The following ATXN7L3 variants were observed in gnomAD, a reference collection of about 807,000 sequenced individuals.
The protein encoded by ATXN7L3 is ataxin 7 like 3, also known as ataxin-7-like protein 3.
In ATXN7L3, 6 loss-of-function variants were observed where a neutral mutation model predicts 50.0. The observed-to-expected ratio is 0.12, with a 90% CI of 0.07 to 0.24. The LOEUF (loss-of-function observed/expected upper bound fraction) is 0.24, where lower values mean the gene tolerates loss of function less well. Among genes scored for constraint, ATXN7L3 ranks in the 10% least tolerant of loss-of-function variants. The probability of loss-of-function intolerance (pLI) is 1.00; values close to 1 mark genes in which losing one functional copy is unlikely to be tolerated. For synonymous variants in ATXN7L3, 198 were observed against 165.8 expected (o/e 1.19, Z -1.49); for missense variants, 322 against 451.3 (o/e 0.71, Z 2.60).
intron 1 of ATXN7L3, among the ~76,000 whole-genome samples, chr17:44,198,686 C>T (rs1259718478): frequency 6.6e-6 from 1 of 152,044 alleles, no homozygotes; most frequent in African/African-American, 2.4e-5. Flanking sequence ...GGGAGCAGAG[C>T]CCACAGGAGC....
At chr17:44,199,450 A>G (rs1248806121) in intron 1 of ATXN7L3, 46 bp downstream of exon 1, 1 of 21,272 alleles carries the variant, frequency 4.7e-5, no homozygotes, top group Non-Finnish European at 1.2e-4. Context: ...CCCGCCCCCC[A>G]CAGGCCCCTC....
intron 6 of ATXN7L3, 43 bp downstream of exon 6, chr17:44,196,353 G>A (rs1323603341): frequency 6.2e-7 from 1 of 1,612,366 alleles, no homozygotes; most frequent in Non-Finnish European, 8.5e-7. Context: ...GAGGGTATCT[G>A]TCCTTTACCC....
At chr17:44,196,498 G>T in intron 5 of ATXN7L3, 80 bp from the exon 6 acceptor site, 1 of 1,582,902 alleles carries the variant, frequency 6.3e-7, no homozygotes, top group Non-Finnish European at 8.7e-7. Context: ...CCATACAACA[G>T]GCTGGGCACG....
chr17:44,196,380 C>A lies in ATXN7L3; in HGVS notation c.477+16G>T, dbSNP rs758779601. The A allele has an allele frequency of 5.0e-6, 8 of 1,613,924 alleles. No individual in the cohort carries two copies. The highest frequency in any genetic ancestry group is 6.8e-6 in the Non-Finnish European group (8 of 1,180,000). The stretch of plus-strand genomic sequence containing the variant: ...CCTTTACCCATTATTTCCCCAATGC[C>A]TGGCCCGGCTCTCACCTTGTCTGAC... On this transcript the variant is annotated intron_variant, in intron 6 of 12. Coordinates refer to ENST00000587097, the MANE Select transcript of ATXN7L3 (RefSeq NM_001382309.1).
At chr17:44,196,343 G>T (rs1382705833) in intron 6 of ATXN7L3, 53 bp downstream of exon 6, 4 of 1,604,404 alleles carry the variant, frequency 2.5e-6, no homozygotes, top group African/African-American at 2.7e-5. Flanking sequence ...GCCCAAAGGG[G>T]AGGGTATCTG....
Position 44,194,806 on chromosome 17 carries a change from C to T in ATXN7L3, c.699G>A (p.Gln233=). The change falls in exon 11 of 13, where the codon CAG becomes CAA. Residue 233 remains glutamine (Q), a synonymous_variant. Transcript: ENST00000587097. The part of the protein sequence containing the change: ...SLRCPQHTDE[Q]RRTVRIYFLG... ...GAAAATAAATCCGTACGGTTCGCCT[C>T]TGCTCATCTGTGTGCTGTGGGCAGC... is the stretch of plus-strand genomic sequence containing the variant. 6.2e-7 allele frequency: 1 copy of T among 1,614,162 alleles called. No homozygotes were observed. Among genetic ancestry groups the T allele is most frequent in the Admixed American group, 1.7e-5 (1 of 60,014 alleles).
Position 44,195,079 on chromosome 17 carries a change from T to C in ATXN7L3, c.665+18A>G, listed in dbSNP as rs1452855150. 3.7e-6 allele frequency: 6 copies of C among 1,613,834 alleles called. No homozygotes were observed. The highest frequency in any genetic ancestry group is 5.1e-6 in the Non-Finnish European group (6 of 1,179,814). ...TGTGCAGGAAGCGCCTGGCCCCCTT[T>C]CTAGGTTCTGTGCTCACCTTGTGCA... On this transcript the variant is annotated intron_variant, in intron 10 of 12. Coordinates refer to ENST00000587097, the MANE Select transcript of ATXN7L3 (RefSeq NM_001382309.1).
rs1017578236 is a variant in ATXN7L3, at chr17:44,196,523, T to C, written c.455-105A>G. 3.4e-6 allele frequency: 5 copies of C among 1,456,576 alleles called. No homozygotes were observed. The African/African-American group carries it at 7.0e-5, about 20-fold the overall frequency. 90.2% of individuals were successfully genotyped at this position (1,456,576 alleles called of 1,614,324 possible). ...GGCTGGGCACGGTGGCTCATGCCTG[T>C]AATCCCAGCACTTTGGGAGGCCCAG... is the stretch of plus-strand genomic sequence containing the variant. On this transcript the variant is annotated intron_variant, in intron 5 of 12. Transcript: ENST00000587097.
At position 44,194,582 on chromosome 17, in the gene ATXN7L3, G is replaced by A. The variant is rs2055814935; in HGVS notation, c.830C>T (p.Ser277Phe). 5 of 1,613,860 alleles carry A rather than the reference G, an allele frequency of 3.1e-6. No individual in the cohort carries two copies. The highest frequency in any genetic ancestry group is 3.4e-6 in the Non-Finnish European group (4 of 1,180,000). The change falls in exon 12 of 13, where the codon TCC (serine) becomes TTC (phenylalanine). Residue 277 changes from serine to phenylalanine, a missense_variant. Physicochemically the swap from Ser to Phe is radical, Grantham distance 155. Around this residue, in one of 5 missense-constraint regions of ATXN7L3, gnomAD observed 122 missense variants for 130.8 expected, o/e 0.93. Coordinates refer to ENST00000587097, the MANE Select transcript of ATXN7L3 (RefSeq NM_001382309.1). ...TGAATCAGAGGGTGAGAGGTCAGAG[G>A]AGCCGTCCCACTGAAGCCGGCTGAT... ...ALISRLQWDG[S>F]SDLSPSDSGS...
chr17:44,196,203 G>C, intron 6 of ATXN7L3, 124 bp from the exon 7 acceptor site: 1 of 1,299,140 alleles, frequency 7.7e-7, no homozygotes, highest in Non-Finnish European at 1.1e-6. Context: ...TCCCCAGTAG[G>C]AGGCCTGTCT....
intron 1 of ATXN7L3, chr17:44,199,136 A>T (rs953936444): frequency 1.3e-5 from 2 of 151,336 alleles, no homozygotes; most frequent in African/African-American, 4.9e-5. Flanking sequence ...AGAGAGTGGG[A>T]CGCGTCCCAG....
chr17:44,197,060 G>C lies in ATXN7L3; in HGVS notation c.357-34C>G, dbSNP rs369026765. The C allele has an allele frequency of 7.2e-5, 114 of 1,578,388 alleles. 1 individual carries two copies. In the African/African-American group the frequency reaches 1.4e-3, roughly 20 times the overall value. On this transcript the variant is annotated intron_variant, in intron 4 of 12. Coordinates refer to ENST00000587097, the MANE Select transcript of ATXN7L3 (RefSeq NM_001382309.1). ...GGGAGGGAAGAGAAAGGGGCCAAGGGGAAGGAAGAGAAAGGGGTCAAGGTG... is the reference window on the plus strand; with the variant it reads ...GGGAGGGAAGAGAAAGGGGCCAAGGCGAAGGAAGAGAAAGGGGTCAAGGTG...
intron 2 of ATXN7L3, 50 bp downstream of exon 2, chr17:44,197,970 G>A (rs375280009): frequency 1.4e-4 from 225 of 1,590,692 alleles, no homozygotes; most frequent in South Asian, 6.6e-5. Context: ...ATACAGCGAC[G>A]TAGAGACATC....
rs765831830 is a variant in ATXN7L3 at position 44,197,213 on chromosome 17, C to T, written c.356+15G>A. The T allele has an allele frequency of 6.3e-7, 1 of 1,584,232 alleles. No individual in the cohort carries two copies. The highest frequency in any genetic ancestry group is 1.7e-5 in the Admixed American group (1 of 58,522). On this transcript the variant is annotated intron_variant, in intron 4 of 12. Coordinates refer to ENST00000587097, the MANE Select transcript of ATXN7L3 (RefSeq NM_001382309.1). The stretch of plus-strand genomic sequence containing the variant: ...GGCACAGGCTGCAGAGAACGGGCAG[C>T]TCTGGTTCCCTCACCGGCGGTTGGC...
At chr17:44,198,447 A>C (rs562726958) in intron 1 of ATXN7L3, 1 of 214,344 alleles carries the variant, frequency 4.7e-6, no homozygotes, top group Non-Finnish European at 9.2e-6. Flanking sequence ...CAGGGGGAGG[A>C]GAAGGAACTC....
rs1288531758 is a variant in ATXN7L3, at chr17:44,196,867, A to G, written c.454+62T>C. On this transcript the variant is annotated intron_variant, in intron 5 of 12. Coordinates refer to ENST00000587097, the MANE Select transcript of ATXN7L3 (RefSeq NM_001382309.1). ...AGGCAACAATTTGTGACCACTGTATACCCAATTCCTGCTTCCCACCTCATC... is the reference window on the plus strand; with the variant it reads ...AGGCAACAATTTGTGACCACTGTATGCCCAATTCCTGCTTCCCACCTCATC... 3 of 1,183,424 alleles carry G rather than the reference A, an allele frequency of 2.5e-6. No individual in the cohort carries two copies. The African/African-American group carries it at 4.5e-5, about 18-fold the overall frequency. 73.3% of individuals were successfully genotyped at this position (1,183,424 alleles called of 1,614,324 possible). A position where few individuals can be genotyped will look rare whatever the true frequency, so the allele number is the denominator to read the frequency against.
At position 44,194,868 on chromosome 17, in the gene ATXN7L3, C is replaced by G. The variant is rs759005197; in HGVS notation, c.666-29G>C. ...GTGGTGAGGCAAGGCAGGGAGGGTT[C>G]TGAGGAACTCAGGTAAAGCCCCTCC... On this transcript the variant is annotated intron_variant, in intron 10 of 12. Coordinates refer to ENST00000587097, the MANE Select transcript of ATXN7L3 (RefSeq NM_001382309.1). The G allele has an allele frequency of 5.0e-6, 8 of 1,612,232 alleles. No homozygotes were observed. In the African/African-American group the frequency reaches 1.1e-4, roughly 22 times the overall value.
chr17:44,196,850 A>G (rs887155256), intron 5 of ATXN7L3, 79 bp downstream of exon 5: 4 of 971,596 alleles, frequency 4.1e-6, no homozygotes, highest in South Asian at 1.4e-5. Flanking sequence ...CAAGGCAACA[A>G]TTTGTGACCA....
At chr17:44,195,282 G>T in intron 9 of ATXN7L3, 137 bp downstream of exon 9, 1 of 1,339,580 alleles carries the variant, frequency 7.5e-7, no homozygotes, top group South Asian at 1.2e-5. Flanking sequence ...GACACTATGG[G>T]CCGGGAAACC....
Sources: gnomAD v4.1 joint callset for allele counts (sites outside exome capture counted in the v4.1 genomes callset) on GRCh38, gnomAD v4.1.1 for gene constraint, gnomAD v4.1.1 regional missense constraint, MANE v1.5 for transcripts, NCBI Gene and HGNC (gene_info 2026-07-23, HGNC 2026-07-21) for gene names.